Variants in MTHFD2L observed in about 807,000 individuals in gnomAD.
MTHFD2L encodes the protein bifunctional methylenetetrahydrofolate dehydrogenase/cyclohydrolase 2, mitochondrial.
Under a neutral mutation model 34.9 loss-of-function variants are expected in MTHFD2L, and 29 were observed. That is an observed-to-expected ratio of 0.83 (90% CI 0.62 to 1.13). The LOEUF (loss-of-function observed/expected upper bound fraction) is 1.13, where lower values mean the gene tolerates loss of function less well. Ranked by LOEUF, MTHFD2L falls within the 50% of genes most tolerant of loss-of-function variation. The probability of loss-of-function intolerance (pLI) is 0.00; values close to 1 mark genes in which losing one functional copy is unlikely to be tolerated. For synonymous variants in MTHFD2L, 167 were observed against 155.7 expected (o/e 1.07, Z -0.54); for missense variants, 481 against 446.5 (o/e 1.08, Z -0.70).
intron 6 of MTHFD2L, among the ~76,000 whole-genome samples, chr4:74,251,223 GT>G (rs780364286): frequency 6.6e-6 from 1 of 152,128 alleles, no homozygotes; most frequent in Non-Finnish European, 1.5e-5. Flanking sequence ...TTCAGTCATG[GT>G]TTTTTACAAG....
At chr4:74,205,743 G>A (rs1735185737) in intron 5 of MTHFD2L, among the ~76,000 whole-genome samples, 1 of 152,022 alleles carries the variant, frequency 6.6e-6, no homozygotes. Context: ...CTTTGCAGAG[G>A]ATATAGCACT....
intron 6 of MTHFD2L, among the ~76,000 whole-genome samples, chr4:74,225,729 A>G (rs995769254): frequency 1.3e-5 from 2 of 152,164 alleles, no homozygotes; most frequent in African/African-American, 4.8e-5. Flanking sequence ...TATGGAGAAC[A>G]ATAAAACTTG....
intron 6 of MTHFD2L, among the ~76,000 whole-genome samples, chr4:74,264,202 T>G (rs1745024503): frequency 6.6e-6 from 1 of 152,076 alleles, no homozygotes; most frequent in Admixed American, 6.6e-5. Flanking sequence ...AGTCCTATTC[T>G]ATACCATCAG....
At position 74,164,121 on chromosome 4, in the gene MTHFD2L, C is replaced by G. The variant is rs1726114740; in HGVS notation, c.143+5840C>G. Among the ~76,000 whole-genome samples the G allele has an allele frequency of 1.3e-5, 2 of 152,208 alleles. 1 individual carries two copies. Among genetic ancestry groups the G allele is most frequent in the Admixed American group, 1.3e-4 (2 of 15,288 alleles). On this transcript the variant is annotated intron_variant, in intron 1 of 7. Transcript: ENST00000325278. ...TTGATCTCCTGACTTCGTGATCCGC[C>G]CGCCTCAGCCTCCCAAAGTGCTGGG...
intron 6 of MTHFD2L, among the ~76,000 whole-genome samples, chr4:74,255,515 A>C (rs1042549405): frequency 5.9e-5 from 9 of 152,320 alleles, no homozygotes; most frequent in African/African-American, 2.2e-4. Flanking sequence ...TTTTAGATTC[A>C]GGGGATACAT....
chr4:74,270,511 T>C (rs1179483640), intron 6 of MTHFD2L, among the ~76,000 whole-genome samples: 1 of 152,236 alleles, frequency 6.6e-6, no homozygotes, highest in Non-Finnish European at 1.5e-5. Flanking sequence ...CATCATTTTT[T>C]ATGGCTACAT....
At chr4:74,291,003 C>CCT (rs1748846516) in intron 7 of MTHFD2L, among the ~76,000 whole-genome samples, 6 of 29,272 alleles carry the variant, frequency 2.0e-4, no homozygotes, top group Non-Finnish European at 3.9e-4. Context: ...TTTTCCTTTT[C>CCT]TTTTTTTTTT....
upstream of MTHFD2L, among the ~76,000 whole-genome samples, chr4:74,120,385 GAT>G (rs1471058859): frequency 2.0e-5 from 3 of 152,236 alleles, no homozygotes; most frequent in Non-Finnish European, 4.4e-5. Flanking sequence ...TGTGCATGAG[GAT>G]ATGTTATGTG....
rs758207788 is a variant in MTHFD2L, at chr4:74,174,627, G to A, written c.265G>A (p.Val89Met). ...NRRPHLSIIL[V>M]GDNPASHTYV... ...AAGACCTCACCTCAGTATAATTTTA[G>A]TGGGAGATAACCCAGCAAGCCATAC... The change falls in exon 2 of 8, where the codon GTG (valine) becomes ATG (methionine). Residue 89 changes from valine to methionine, a missense_variant. Transcript: ENST00000325278. 1 of 1,603,944 alleles carries A rather than the reference G, an allele frequency of 6.2e-7. No homozygotes were observed. The highest frequency in any genetic ancestry group is 2.3e-5 in the East Asian group (1 of 44,174).
At chr4:74,300,675 G>C (rs1355531721) in intron 7 of MTHFD2L, among the ~76,000 whole-genome samples, 1 of 151,878 alleles carries the variant, frequency 6.6e-6, no homozygotes, top group Non-Finnish European at 1.5e-5. Context: ...TCATACTGTG[G>C]GTGTGAAAAC....
At chr4:74,140,885 T>A (rs1287420679) in intron 1 of MTHFD2L, among the ~76,000 whole-genome samples, 1 of 152,240 alleles carries the variant, frequency 6.6e-6, no homozygotes, top group East Asian at 1.9e-4. Flanking sequence ...TTTCTTTTCC[T>A]GGTTCCTCCC....
intron 7 of MTHFD2L, among the ~76,000 whole-genome samples, chr4:74,287,021 G>T (rs549827489): frequency 6.6e-6 from 1 of 152,204 alleles, no homozygotes; most frequent in East Asian, 1.9e-4. Flanking sequence ...TAACATAATT[G>T]GATAGTAAAA....
chr4:74,214,274 T>C lies in MTHFD2L; in HGVS notation c.713-11028T>C, dbSNP rs539404870. On this transcript the variant is annotated intron_variant, in intron 5 of 7. Coordinates refer to ENST00000325278, the MANE Select transcript of MTHFD2L (RefSeq NM_001144978.3). ...TTGGTGGTGAGGAATTGTGATCCTT[T>C]GGAGTAGAAGAGGCGTTCTGGTTTT... Among the ~76,000 whole-genome samples the C allele has an allele frequency of 3.6e-4, 55 of 152,012 alleles. 1 individual carries two copies. Among genetic ancestry groups the C allele is most frequent in the African/African-American group, 1.3e-3 (52 of 41,258 alleles).
intron 1 of MTHFD2L, among the ~76,000 whole-genome samples, chr4:74,150,224 T>G (rs1008488736): frequency 1.3e-5 from 2 of 152,162 alleles, no homozygotes; most frequent in Non-Finnish European, 2.9e-5. Context: ...GACTTCTATC[T>G]TAAAGAAATG....
chr4:74,189,330 A>G (rs1038282651), intron 3 of MTHFD2L, among the ~76,000 whole-genome samples: 1 of 152,014 alleles, frequency 6.6e-6, no homozygotes, highest in African/African-American at 2.4e-5. Flanking sequence ...TCCTCACACA[A>G]TATTATTTAT....
chr4:74,230,327 C>T (rs1485396410), intron 6 of MTHFD2L, among the ~76,000 whole-genome samples: 1 of 151,906 alleles, frequency 6.6e-6, no homozygotes, highest in East Asian at 1.9e-4. Flanking sequence ...CAGTGGCTTA[C>T]ATCTGTAATC....
intron 6 of MTHFD2L, among the ~76,000 whole-genome samples, chr4:74,248,432 C>G (rs913997811): frequency 1.1e-4 from 16 of 152,014 alleles, no homozygotes; most frequent in Non-Finnish European, 1.8e-4. Flanking sequence ...AAAAAACCAG[C>G]TCCCGGATTC....
chr4:74,174,750 T>C (rs532593879), intron 2 of MTHFD2L, 60 bp downstream of exon 2: 1 of 1,164,578 alleles, frequency 8.6e-7, no homozygotes, highest in African/African-American at 1.6e-5. Context: ...TACTTCAAAT[T>C]GTGATAATTA....
chr4:74,169,060 G>A (rs1241396038), intron 1 of MTHFD2L, among the ~76,000 whole-genome samples: 1 of 152,168 alleles, frequency 6.6e-6, no homozygotes, highest in African/African-American at 2.4e-5. Flanking sequence ...TCTCTACGGT[G>A]ACTGATGGAG....
Sources: allele counts gnomAD v4.1 joint callset (sites outside exome capture counted in the v4.1 genomes callset), GRCh38; gene constraint gnomAD v4.1.1; transcripts MANE v1.5; gene names NCBI Gene and HGNC (gene_info 2026-07-23, HGNC 2026-07-21).